DAB1: variants seen among roughly 807,000 people sequenced by gnomAD.
DAB1 encodes the protein DAB adaptor protein 1.
In DAB1, 15 loss-of-function variants were observed where a neutral mutation model predicts 64.6. The observed-to-expected ratio is 0.23, with a 90% CI of 0.16 to 0.36. DAB1 has a LOEUF of 0.36. Ranked by LOEUF, DAB1 falls within the 10% of genes least tolerant of loss-of-function variation. The pLI, the probability that DAB1 is intolerant of heterozygous loss-of-function variation, is 1.00. For missense variants in DAB1, 596 were observed against 706.7 expected (o/e 0.84, Z 1.78); for synonymous variants, 235 against 251.9 (o/e 0.93, Z 0.64).
chr1:57,695,148 G>A (rs184033949), intron 6 of DAB1, among the ~76,000 whole-genome samples: 15 of 151,450 alleles, frequency 9.9e-5, no homozygotes, highest in East Asian at 3.9e-4. Context: ...GGCTTGAGCC[G>A]GGGAGGTAGA....
At chr1:57,261,501 C>T (rs1396871880) in intron 2 of DAB1, among the ~76,000 whole-genome samples, 1 of 152,124 alleles carries the variant, frequency 6.6e-6, no homozygotes, top group African/African-American at 2.4e-5. Context: ...AATGTAAGCT[C>T]CATGAAGTCA....
At chr1:57,097,651 G>T (rs947984649) in intron 4 of DAB1, among the ~76,000 whole-genome samples, 1 of 152,124 alleles carries the variant, frequency 6.6e-6, no homozygotes, top group Non-Finnish European at 1.5e-5. Context: ...AGGTTTTGAG[G>T]ACTGTCACCT....
At chr1:57,711,329 T>A (rs1184930362) in intron 6 of DAB1, among the ~76,000 whole-genome samples, 1 of 152,256 alleles carries the variant, frequency 6.6e-6, no homozygotes. Context: ...TTTATCTCAC[T>A]GCCATTATTT....
chr1:57,044,407 G>A (rs1391330733), intron 9 of DAB1, among the ~76,000 whole-genome samples: 1 of 152,182 alleles, frequency 6.6e-6, no homozygotes, highest in Non-Finnish European at 1.5e-5. Flanking sequence ...CTGGTTCTAG[G>A]AGGCATCTTA....
At chr1:57,933,511 T>C (rs1644982267) in intron 5 of DAB1, among the ~76,000 whole-genome samples, 1 of 152,236 alleles carries the variant, frequency 6.6e-6, no homozygotes, top group Admixed American at 6.5e-5. Context: ...AATGCTTCTT[T>C]CACTCAGCAT....
intron 6 of DAB1, among the ~76,000 whole-genome samples, chr1:57,819,741 T>C (rs852764): frequency 0.31 from 47,594 of 152,014 alleles, 8,782 homozygotes; most frequent in Admixed American, 0.46. Context: ...CTGGGAACTG[T>C]CATGCTGCTT....
chr1:58,268,587 C>T (rs1485858309), intron 4 of DAB1, among the ~76,000 whole-genome samples: 1 of 152,080 alleles, frequency 6.6e-6, no homozygotes, highest in East Asian at 1.9e-4. Flanking sequence ...TATAAAGCCC[C>T]TGATTGCTGG....
intron 3 of DAB1, among the ~76,000 whole-genome samples, chr1:58,374,974 C>T (rs1644308829): frequency 7.3e-6 from 1 of 137,580 alleles, no homozygotes; most frequent in Admixed American, 7.3e-5. Flanking sequence ...TGATTTGGCT[C>T]TCTGTTTGTC....
chr1:58,512,037 A>C (rs1203745793), intron 2 of DAB1, among the ~76,000 whole-genome samples: 1 of 152,196 alleles, frequency 6.6e-6, no homozygotes, highest in African/African-American at 2.4e-5. Flanking sequence ...AAAATATATA[A>C]AGAATTTCTA....
intron 7 of DAB1, among the ~76,000 whole-genome samples, chr1:57,627,979 A>G (rs1645943515): frequency 6.6e-6 from 1 of 152,172 alleles, no homozygotes; most frequent in African/African-American, 2.4e-5. Context: ...GCCCAGTTCA[A>G]TTATTACCTC....
At chr1:57,722,293 T>G (rs1179899057) in intron 6 of DAB1, among the ~76,000 whole-genome samples, 1 of 152,232 alleles carries the variant, frequency 6.6e-6, no homozygotes, top group Non-Finnish European at 1.5e-5. Flanking sequence ...TAGAGTCATA[T>G]GCTCTAGCTC....
chr1:57,467,981 G>A (rs1004627137), intron 7 of DAB1, among the ~76,000 whole-genome samples: 4 of 152,166 alleles, frequency 2.6e-5, no homozygotes, highest in Non-Finnish European at 5.9e-5. Flanking sequence ...TGTTCTGAGT[G>A]CTTGGAATAG....
chr1:58,384,168 G>A (rs1569712841), intron 3 of DAB1, among the ~76,000 whole-genome samples: 1 of 151,474 alleles, frequency 6.6e-6, no homozygotes, highest in African/African-American at 2.4e-5. Context: ...GTACAAACCT[G>A]TTGGCCAAAT....
chr1:57,467,600 C>T (rs1686993380), intron 7 of DAB1, among the ~76,000 whole-genome samples: 1 of 152,138 alleles, frequency 6.6e-6, no homozygotes, highest in Non-Finnish European at 1.5e-5. Context: ...CATATCTATA[C>T]AGATATCTCA....
At chr1:57,702,269 T>C (rs1557432053) in intron 6 of DAB1, among the ~76,000 whole-genome samples, 1 of 152,176 alleles carries the variant, frequency 6.6e-6, no homozygotes, top group East Asian at 1.9e-4. Context: ...GTGATTACTT[T>C]GGTGCTGAGT....
At chr1:57,605,924 A>C (rs973331793) in intron 7 of DAB1, 1 of 688,522 alleles carries the variant, frequency 1.5e-6, no homozygotes, top group Non-Finnish European at 2.7e-6. Context: ...ACAATCTCAG[A>C]AGGACTGTGC....
rs138290388 is a variant in DAB1 at position 57,652,499 on chromosome 1, A to G, written n.552-2834T>C. ...TACGTGTAAAAATCTCTCTATTGCAATTCCCCTGCCTTGATAAATTGGCTT... is the reference window on the plus strand; with the variant it reads ...TACGTGTAAAAATCTCTCTATTGCAGTTCCCCTGCCTTGATAAATTGGCTT... On this transcript the variant is annotated intron_variant and non_coding_transcript_variant, in intron 6 of 20. Coordinates refer to the DAB1 transcript ENST00000485760. Among the ~76,000 whole-genome samples, 901 of 152,224 alleles carry G rather than the reference A, an allele frequency of 5.9e-3. 6 individuals carry two copies. The highest frequency in any genetic ancestry group is 7.9e-3 in the Non-Finnish European group (536 of 68,016).
At chr1:57,859,426 C>T (rs1013421731) in intron 1 of DAB1, among the ~76,000 whole-genome samples, 1 of 152,170 alleles carries the variant, frequency 6.6e-6, no homozygotes, top group African/African-American at 2.4e-5. Flanking sequence ...GTAATAGGCA[C>T]TTTATATTCA....
chr1:58,455,851 C>A (rs572788868), intron 3 of DAB1, among the ~76,000 whole-genome samples: 2 of 152,190 alleles, frequency 1.3e-5, no homozygotes, highest in Non-Finnish European at 2.9e-5. Flanking sequence ...CTATAAGCAT[C>A]TCTCGCAGAG....
Sources: gnomAD v4.1 joint callset for allele counts (sites outside exome capture counted in the v4.1 genomes callset) on GRCh38, gnomAD v4.1.1 for gene constraint, MANE v1.5 for transcripts, NCBI Gene and HGNC (gene_info 2026-07-23, HGNC 2026-07-21) for gene names.